The following CTIF variants were observed in gnomAD, a reference collection of about 807,000 sequenced individuals.
CTIF encodes the protein CBP80/20-dependent translation initiation factor.
In CTIF, 21 loss-of-function variants were observed where a neutral mutation model predicts 66.0. That is an observed-to-expected ratio of 0.32 (90% CI 0.23 to 0.46). The LOEUF is 0.46. Among genes scored for constraint, CTIF ranks in the 20% least tolerant of loss-of-function variants. The probability of loss-of-function intolerance (pLI) is 1.00; values close to 1 mark genes in which losing one functional copy is unlikely to be tolerated. For missense variants in CTIF, 739 were observed against 812.7 expected (o/e 0.91, Z 1.10); for synonymous variants, 345 against 326.4 (o/e 1.06, Z -0.62).
intron 6 of CTIF, among the ~76,000 whole-genome samples, chr18:48,671,804 A>G (rs2091538823): frequency 6.7e-6 from 1 of 149,964 alleles, no homozygotes; most frequent in African/African-American, 2.5e-5. Flanking sequence ...GCTCTGCCTG[A>G]TTTTTTAAAG....
At chr18:48,556,607 C>G (rs1599136764) in intron 1 of CTIF, among the ~76,000 whole-genome samples, 1 of 151,918 alleles carries the variant, frequency 6.6e-6, no homozygotes, top group African/African-American at 2.4e-5. Context: ...CCCTGTTGCC[C>G]AGGCTGGAGT....
At chr18:48,827,052 A>G (rs927282207) in intron 10 of CTIF, among the ~76,000 whole-genome samples, 27 of 152,136 alleles carry the variant, frequency 1.8e-4, no homozygotes, top group Admixed American at 1.4e-3. Context: ...GGGGGCCAGA[A>G]TAAGCATGGC....
At chr18:48,702,443 C>T (rs527508660) in intron 6 of CTIF, among the ~76,000 whole-genome samples, 27 of 152,296 alleles carry the variant, frequency 1.8e-4, no homozygotes, top group African/African-American at 6.0e-4. Context: ...TGAGTGAAGC[C>T]CTTCTTCTAG....
At chr18:48,701,099 A>T (rs1598894635) in intron 6 of CTIF, among the ~76,000 whole-genome samples, 1 of 152,158 alleles carries the variant, frequency 6.6e-6, no homozygotes, top group East Asian at 1.9e-4. Context: ...TCTGGGTCTT[A>T]TCTGTGCCAT....
chr18:48,676,654 G>A (rs1390041262), intron 6 of CTIF, among the ~76,000 whole-genome samples: 1 of 152,002 alleles, frequency 6.6e-6, no homozygotes, highest in African/African-American at 2.4e-5. Context: ...TGTGCCCAAA[G>A]CATTCCCCAT....
chr18:48,763,349 C>A (rs1909194848), intron 9 of CTIF, among the ~76,000 whole-genome samples: 1 of 152,236 alleles, frequency 6.6e-6, no homozygotes, highest in Non-Finnish European at 1.5e-5. Context: ...TTCTTCCAAC[C>A]TGCCGTGGTA....
intron 3 of CTIF, among the ~76,000 whole-genome samples, chr18:48,658,247 CATGGTGTGT>C (rs1188780409): frequency 3.3e-5 from 5 of 151,332 alleles, no homozygotes; most frequent in Non-Finnish European, 7.4e-5. Context: ...TGCCTGTGTG[CATGGTGTGT>C]ATATGTGTCT....
chr18:48,574,355 C>T (rs2089484056), intron 1 of CTIF, among the ~76,000 whole-genome samples: 1 of 152,226 alleles, frequency 6.6e-6, no homozygotes, highest in African/African-American at 2.4e-5. Context: ...TATTTTTCTC[C>T]ATAGCCTGCA....
chr18:48,572,457 T>C (rs1206986011), intron 1 of CTIF, among the ~76,000 whole-genome samples: 5 of 152,126 alleles, frequency 3.3e-5, no homozygotes, highest in African/African-American at 1.2e-4. Context: ...GAGGTAAAGA[T>C]GAGTCCTCTC....
At chr18:48,784,185 C>T (rs56384177) in intron 9 of CTIF, among the ~76,000 whole-genome samples, 11,832 of 152,304 alleles carry the variant, frequency 0.078, 502 homozygotes, top group Non-Finnish European at 0.098. Context: ...GCTGTCATCG[C>T]GGCACACCCA....
In CTIF at chr18:48,603,694, A is replaced by G. The variant is rs568441349; in HGVS notation, c.-28-15844A>G. Among the ~76,000 whole-genome samples, 3 of 151,864 alleles carry G rather than the reference A, an allele frequency of 2.0e-5. No homozygotes were observed. The South Asian group carries it at 6.3e-4, about 32-fold the overall frequency. The stretch of plus-strand genomic sequence containing the variant: ...GGTAGGTGGGTGGATTGCTGGGTGG[A>G]TGGATGGATGAATAGATATAGATGG... On this transcript the variant is annotated intron_variant, in intron 1 of 11. Coordinates refer to ENST00000256413, the MANE Select transcript of CTIF (RefSeq NM_014772.3).
chr18:48,831,228 A>C (rs1208707230), intron 10 of CTIF, among the ~76,000 whole-genome samples: 1 of 152,270 alleles, frequency 6.6e-6, no homozygotes, highest in Non-Finnish European at 1.5e-5. Context: ...GAACCAGTGC[A>C]AACAGTGCTC....
At chr18:48,630,768 C>T (rs947597541) in intron 2 of CTIF, among the ~76,000 whole-genome samples, 4 of 152,078 alleles carry the variant, frequency 2.6e-5, no homozygotes, top group Non-Finnish European at 2.9e-5. Context: ...CTCTGCCTCC[C>T]GAGTTCATGC....
chr18:48,780,887 G>A (rs1428782501), intron 9 of CTIF, among the ~76,000 whole-genome samples: 6 of 152,158 alleles, frequency 3.9e-5, no homozygotes, highest in Non-Finnish European at 8.8e-5. Flanking sequence ...GATAGCCTCA[G>A]GAGGCCCATC....
intron 9 of CTIF, among the ~76,000 whole-genome samples, chr18:48,790,812 G>A (rs1018605111): frequency 6.6e-6 from 1 of 152,204 alleles, no homozygotes; most frequent in African/African-American, 2.4e-5. Flanking sequence ...AGAGAGGCAC[G>A]TCATAGGCCA....
intron 9 of CTIF, among the ~76,000 whole-genome samples, chr18:48,774,816 T>C (rs1910514363): frequency 6.6e-6 from 1 of 152,152 alleles, no homozygotes; most frequent in African/African-American, 2.4e-5. Context: ...TAGGAGGTAT[T>C]TGGGGAAAGC....
chr18:48,758,450 C>G (rs755490641), intron 8 of CTIF, 45 bp downstream of exon 8: 2 of 1,547,940 alleles, frequency 1.3e-6, no homozygotes, highest in African/African-American at 2.7e-5. Context: ...CCAGGGAGGA[C>G]AGCAAGAGGT....
At chr18:48,579,745 A>G (rs975293656) in intron 1 of CTIF, among the ~76,000 whole-genome samples, 9 of 152,100 alleles carry the variant, frequency 5.9e-5, no homozygotes, top group African/African-American at 2.2e-4. Context: ...TGTCTTTATT[A>G]GTCTCTCTGG....
intron 10 of CTIF, among the ~76,000 whole-genome samples, chr18:48,854,601 C>T (rs1022949567): frequency 4.0e-4 from 61 of 152,180 alleles, no homozygotes; most frequent in African/African-American, 1.4e-3. Context: ...CCCTTCCCTC[C>T]TACAGCAGGC....
Sources: gnomAD v4.1 joint callset for allele counts (sites outside exome capture counted in the v4.1 genomes callset) on GRCh38, gnomAD v4.1.1 for gene constraint, MANE v1.5 for transcripts, NCBI Gene and HGNC (gene_info 2026-07-23, HGNC 2026-07-21) for gene names.